Variants in GRB10 observed in about 807,000 individuals in gnomAD.
GRB10 encodes the protein growth factor receptor-bound protein 10.
GRB10 carries 20 observed loss-of-function variants against 80.9 expected under a neutral mutation model. That is an observed-to-expected ratio of 0.25 (90% CI 0.17 to 0.36). GRB10 has a LOEUF of 0.36. GRB10 is among the 10% of genes least tolerant of loss of function. The pLI, the probability that GRB10 is intolerant of heterozygous loss-of-function variation, is 1.00. For synonymous variants in GRB10, 291 were observed against 291.5 expected (o/e 1.00, Z 0.02); for missense variants, 548 against 747.7 (o/e 0.73, Z 3.12).
chr7:50,735,652 A>C (rs1166700912), intron 3 of GRB10, among the ~76,000 whole-genome samples: 5 of 152,240 alleles, frequency 3.3e-5, no homozygotes, highest in African/African-American at 1.2e-4. Context: ...TAAAAAGTTT[A>C]TGAAAATCTT....
intron 9 of GRB10, 73 bp downstream of exon 9, chr7:50,619,097 T>C: frequency 1.2e-6 from 1 of 860,770 alleles, no homozygotes; most frequent in Non-Finnish European, 2.0e-6. Context: ...TCTAATCTGA[T>C]ACTATGAAAC....
intron 2 of GRB10, among the ~76,000 whole-genome samples, chr7:50,766,294 AC>A (rs1160414292): frequency 6.6e-6 from 1 of 152,072 alleles, no homozygotes. Flanking sequence ...ACTGCTCTAT[AC>A]CTAAACACAA....
At chr7:50,715,226 G>A (rs979164492) in intron 4 of GRB10, among the ~76,000 whole-genome samples, 4 of 151,644 alleles carry the variant, frequency 2.6e-5, no homozygotes, top group East Asian at 1.9e-4. Context: ...GGGCAGGCGC[G>A]ATCTGGAGCA....
At chr7:50,760,697 A>C (rs961465694) in intron 2 of GRB10, among the ~76,000 whole-genome samples, 12 of 152,234 alleles carry the variant, frequency 7.9e-5, no homozygotes, top group Admixed American at 3.3e-4. Flanking sequence ...GAAGAGTCAA[A>C]TCTGCAAATA....
At chr7:50,632,714 C>T (rs192337764) in intron 7 of GRB10, among the ~76,000 whole-genome samples, 8 of 152,282 alleles carry the variant, frequency 5.3e-5, no homozygotes, top group Admixed American at 3.3e-4. Flanking sequence ...GGGAGAACCA[C>T]AGGGTTGGGG....
At chr7:50,657,710 A>G (rs2058791703) in intron 7 of GRB10, among the ~76,000 whole-genome samples, 1 of 152,224 alleles carries the variant, frequency 6.6e-6, no homozygotes, top group South Asian at 2.1e-4. Flanking sequence ...CCAAAAAATA[A>G]AAATCACCAG....
intron 7 of GRB10, among the ~76,000 whole-genome samples, chr7:50,645,042 A>G (rs1246309064): frequency 6.6e-6 from 1 of 152,190 alleles, no homozygotes; most frequent in Non-Finnish European, 1.5e-5. Context: ...CATGAGAAAA[A>G]TTTCATAAAT....
chr7:50,670,754 G>C (rs960312556), intron 6 of GRB10, among the ~76,000 whole-genome samples: 1 of 152,214 alleles, frequency 6.6e-6, no homozygotes, highest in Non-Finnish European at 1.5e-5. Flanking sequence ...AGAAAAGGCT[G>C]TGTGTTCTCA....
chr7:50,776,390 T>TG (rs2077653538), intron 2 of GRB10, among the ~76,000 whole-genome samples: 1 of 151,948 alleles, frequency 6.6e-6, no homozygotes, highest in Non-Finnish European at 1.5e-5. Flanking sequence ...TTTTTTTTTT[T>TG]TTTTACTTTT....
intron 7 of GRB10, among the ~76,000 whole-genome samples, chr7:50,637,337 C>T (rs2055239595): frequency 6.6e-6 from 1 of 152,172 alleles, no homozygotes; most frequent in Non-Finnish European, 1.5e-5. Context: ...AGTAAAGTTT[C>T]AGAATACAAA....
chr7:50,661,984 A>G (rs2237461), intron 7 of GRB10, among the ~76,000 whole-genome samples: 137,241 of 152,260 alleles, frequency 0.9, 62,036 homozygotes, highest in African/African-American at 0.96. Flanking sequence ...GAGACCAGAC[A>G]GATTTGGTTT....
At chr7:50,662,758 T>C (rs2059408343) in intron 7 of GRB10, among the ~76,000 whole-genome samples, 1 of 152,214 alleles carries the variant, frequency 6.6e-6, no homozygotes, top group Non-Finnish European at 1.5e-5. Flanking sequence ...CACCAACGGA[T>C]GCTAAAAAAC....
intron 3 of GRB10, among the ~76,000 whole-genome samples, chr7:50,740,348 T>A (rs916490965): frequency 6.6e-6 from 1 of 152,226 alleles, no homozygotes; most frequent in Non-Finnish European, 1.5e-5. Context: ...GTTCAAGAAC[T>A]CAGTCTTGTT....
intron 4 of GRB10, among the ~76,000 whole-genome samples, chr7:50,708,022 T>C (rs1490812813): frequency 1.3e-5 from 2 of 152,256 alleles, no homozygotes; most frequent in Non-Finnish European, 2.9e-5. Flanking sequence ...ATACAGGATG[T>C]CCAATTAAAT....
intron 5 of GRB10, among the ~76,000 whole-genome samples, chr7:50,681,692 G>C (rs1009237016): frequency 2.6e-5 from 4 of 152,248 alleles, no homozygotes; most frequent in African/African-American, 9.6e-5. Context: ...CTGGGCATCT[G>C]AGTGTATTTG....
At chr7:50,758,723 A>G (rs974298018) in intron 2 of GRB10, among the ~76,000 whole-genome samples, 1 of 152,246 alleles carries the variant, frequency 6.6e-6, no homozygotes, top group African/African-American at 2.4e-5. Flanking sequence ...TACTGATATC[A>G]GAGACTCAGA....
intron 10 of GRB10, among the ~76,000 whole-genome samples, chr7:50,617,141 C>G (rs905786325): frequency 1.3e-5 from 2 of 152,206 alleles, no homozygotes; most frequent in Non-Finnish European, 2.9e-5. Context: ...TCACTGTTCA[C>G]TGTGTATAGG....
chr7:50,684,267 C>A (rs1279383614), intron 5 of GRB10, among the ~76,000 whole-genome samples: 100 of 62,280 alleles, frequency 1.6e-3, no homozygotes, highest in South Asian at 4.3e-3. Context: ...CAATCATCAC[C>A]AAAAAAAAAA....
At position 50,771,614 on chromosome 7, in the gene GRB10, C is replaced by T. The variant is rs190745159; in HGVS notation, c.-217+9013G>A. ...TGTTAAAACAGGAGCCAAAACTAAA[C>T]AGCACACATCAGCGCCCAAGATTCG... On this transcript the variant is annotated intron_variant, in intron 2 of 18. Transcript: ENST00000401949. Among the ~76,000 whole-genome samples the T allele has an allele frequency of 3.3e-5, 5 of 152,344 alleles. No individual in the cohort carries two copies. The East Asian group carries it at 7.7e-4, about 24-fold the overall frequency.
Sources: allele counts gnomAD v4.1 joint callset (sites outside exome capture counted in the v4.1 genomes callset), GRCh38; gene constraint gnomAD v4.1.1; transcripts MANE v1.5; gene names NCBI Gene and HGNC (gene_info 2026-07-23, HGNC 2026-07-21).